ZNF595: variants seen among roughly 807,000 people sequenced by gnomAD.
The protein encoded by ZNF595 is zinc finger protein 595.
Under a neutral mutation model 19.4 loss-of-function variants are expected in ZNF595, and 9 were observed. That is an observed-to-expected ratio of 0.46 (90% CI 0.28 to 0.81). The LOEUF is 0.81. ZNF595 is among the 30% of genes least tolerant of loss of function. The pLI is 0.11. For missense variants in ZNF595, 729 were observed against 736.0 expected (o/e 0.99, Z 0.11); for synonymous variants, 255 against 255.9 (o/e 1.00, Z 0.03).
chr4:86,974 AT>A lies in ZNF595; in HGVS notation c.1471del (p.Trp491GlyfsTer5), dbSNP rs1560095930. 6.2e-7 allele frequency: 1 copy of A among 1,611,618 alleles called. No individual in the cohort carries two copies. The highest frequency in any genetic ancestry group is 8.5e-7 in the Non-Finnish European group (1 of 1,179,358). On this transcript the variant is annotated frameshift_variant, in exon 4 of 4. Coordinates refer to ENST00000610261, the MANE Select transcript of ZNF595 (RefSeq NM_182524.4). LOFTEE classifies it high-confidence loss of function. ...KCEECGKAFI[W>X]SASLNEHKNI... ...GTGAAGAATGTGGCAAAGCTTTCAT[AT>A]GGTCCGCAAGCCTGAATGAACATAA...
chr4:75,969 A>T (rs911537876), intron 3 of ZNF595, among the ~76,000 whole-genome samples: 2 of 152,212 alleles, frequency 1.3e-5, no homozygotes, highest in Admixed American at 1.3e-4. Flanking sequence ...AGCTCAGTGC[A>T]GCCTTGACCT....
At position 85,982 on chromosome 4, in the gene ZNF595, T is replaced by C; in HGVS notation, c.478T>C (p.Ser160Pro). The change falls in exon 4 of 4, where the codon TCA (serine) becomes CCA (proline). Residue 160 changes from serine (S) to proline (P), a missense_variant. By Grantham distance (74) the Ser-to-Pro change is moderately conservative. Coordinates refer to ENST00000610261, the MANE Select transcript of ZNF595 (RefSeq NM_182524.4). ...TAAAGTTTTTAGTAAATTTTCAAAT[T>C]CAAACAAACATAAGATAAGACATAC... Reference protein sequence around the residue: ...CVKVFSKFSNSNKHKIRHTGE... With the variant: ...CVKVFSKFSNPNKHKIRHTGE... 6.2e-7 allele frequency: 1 copy of C among 1,608,060 alleles called. No homozygotes were observed. The highest frequency in any genetic ancestry group is 8.5e-7 in the Non-Finnish European group (1 of 1,176,590).
At position 87,395 on chromosome 4, in the gene ZNF595, C is replaced by G; in HGVS notation, c.1891C>G (p.Arg631Gly). The change falls in exon 4 of 4, where the codon CGG becomes GGG. Residue 631 changes from arginine (R) to glycine (G), a missense_variant. Physicochemically the swap from Arg to Gly is moderately radical, Grantham distance 125 (BLOSUM62 -2). Around this residue, in one of 2 missense-constraint regions of ZNF595, gnomAD observed 729 missense variants for 675.3 expected, o/e 1.08. Transcript: ENST00000610261. ...KCEECGKAFN[R>G]PSTLTVHKRI... is the part of the protein sequence containing the mutation. ...TGAAGAATGTGGCAAAGCTTTTAAT[C>G]GGCCCTCAACCCTTACTGTACACAA... 2 of 1,612,278 alleles carry G rather than the reference C, an allele frequency of 1.2e-6. No individual in the cohort carries two copies. Among genetic ancestry groups the G allele is most frequent in the Non-Finnish European group, 1.7e-6 (2 of 1,179,052 alleles).
chr4:84,587 T>A lies in ZNF595; in HGVS notation c.227-1144T>A, dbSNP rs183232195. 3.0e-4 allele frequency among the ~76,000 whole-genome samples: 45 copies of A among 152,336 alleles called. 1 individual carries two copies. In the East Asian group the frequency reaches 6.9e-3, roughly 23 times the overall value. ...CACTGGTTATGTAAGACCACACTTA[T>A]AAATGACACATCACTTTTATCTTGC... On this transcript the variant is annotated intron_variant, in intron 3 of 3. Coordinates refer to ENST00000610261, the MANE Select transcript of ZNF595 (RefSeq NM_182524.4).
chr4:88,197 G>C lies in ZNF595; in HGVS notation c.*746G>C, dbSNP rs1714323276. On this transcript the variant is annotated 3_prime_UTR_variant, in exon 4 of 4. Coordinates refer to ENST00000610261, the MANE Select transcript of ZNF595 (RefSeq NM_182524.4). ...CTTTCCGCAAATAAATGCAGACTTT[G>C]GTTTTGATTTACATGGAGTTAAATA... The C allele has an allele frequency of 6.6e-6, 1 of 152,018 alleles. No individual in the cohort carries two copies. Among genetic ancestry groups the C allele is most frequent in the Non-Finnish European group, 1.5e-5 (1 of 68,012 alleles). 9.4% of individuals were successfully genotyped at this position (152,018 alleles called of 1,614,324 possible).
intron 3 of ZNF595, among the ~76,000 whole-genome samples, chr4:73,122 G>T (rs1043190806): frequency 6.6e-6 from 1 of 152,162 alleles, no homozygotes; most frequent in Admixed American, 6.5e-5. Flanking sequence ...TTCCAATGAG[G>T]TAAGAAGTGA....
At chr4:60,686 T>C (rs1361244399) in intron 3 of ZNF595, among the ~76,000 whole-genome samples, 677 of 142,670 alleles carry the variant, frequency 4.7e-3, no homozygotes, top group East Asian at 0.018. Context: ...CGTATACATG[T>C]GCCATGCTGG....
chr4:71,780 T>C (rs1220329636), intron 3 of ZNF595, among the ~76,000 whole-genome samples: 4 of 152,154 alleles, frequency 2.6e-5, no homozygotes, highest in African/African-American at 7.2e-5. Context: ...GGTCAGCCAA[T>C]GGAAAGCTGA....
chr4:68,632 G>A, intron 3 of ZNF595: 1 of 152,296 alleles, frequency 6.6e-6, no homozygotes, highest in Non-Finnish European at 1.5e-5. Flanking sequence ...TAATTTTTGT[G>A]AGTACGTAGT....
At chr4:72,145 T>C (rs1030587979) in intron 3 of ZNF595, among the ~76,000 whole-genome samples, 12 of 152,336 alleles carry the variant, frequency 7.9e-5, no homozygotes, top group Admixed American at 2.6e-4. Flanking sequence ...AACTGCACAA[T>C]GCATTCTATT....
At chr4:60,979 A>C (rs1712833329) in intron 3 of ZNF595, among the ~76,000 whole-genome samples, 1 of 152,082 alleles carries the variant, frequency 6.6e-6, no homozygotes, top group African/African-American at 2.4e-5. Flanking sequence ...GACACACTTA[A>C]AATTATAAAA....
chr4:82,970 C>A (rs564202804), intron 3 of ZNF595, among the ~76,000 whole-genome samples: 1 of 152,134 alleles, frequency 6.6e-6, no homozygotes, highest in South Asian at 2.1e-4. Context: ...ATTGAAATAT[C>A]CTACTATAAT....
At chr4:77,112 A>G (rs532653836) in intron 3 of ZNF595, among the ~76,000 whole-genome samples, 88 of 152,082 alleles carry the variant, frequency 5.8e-4, no homozygotes, top group African/African-American at 1.9e-3. Context: ...ATGTGGCCCA[A>G]ATGCTTTATT....
intron 3 of ZNF595, among the ~76,000 whole-genome samples, chr4:70,482 C>T (rs906694559): frequency 6.6e-6 from 1 of 151,924 alleles, no homozygotes; most frequent in Non-Finnish European, 1.5e-5. Context: ...GGACTACAGG[C>T]GTGCACCCCC....
intron 3 of ZNF595, among the ~76,000 whole-genome samples, chr4:71,976 T>C (rs1205084609): frequency 3.3e-5 from 5 of 152,028 alleles, no homozygotes; most frequent in African/African-American, 1.2e-4. Flanking sequence ...AGGGTGGTCA[T>C]TGAGTATTTC....
At chr4:83,832 TTCTG>T (rs1714025928) in intron 3 of ZNF595, among the ~76,000 whole-genome samples, 1 of 151,970 alleles carries the variant, frequency 6.6e-6, no homozygotes, top group Admixed American at 6.5e-5. Context: ...TTATTTTCTT[TTCTG>T]TCTTCCTTTT....
At chr4:66,429 T>C (rs1387949643) in intron 3 of ZNF595, among the ~76,000 whole-genome samples, 3 of 152,036 alleles carry the variant, frequency 2.0e-5, no homozygotes, top group Non-Finnish European at 4.4e-5. Flanking sequence ...ACTAAAACTT[T>C]AATGTGGAGA....
At chr4:78,436 A>T (rs533269143) in intron 3 of ZNF595, among the ~76,000 whole-genome samples, 2 of 152,372 alleles carry the variant, frequency 1.3e-5, no homozygotes, top group South Asian at 4.1e-4. Flanking sequence ...TATAAATCAG[A>T]TATTTCTATT....
At position 87,580 on chromosome 4, in the gene ZNF595, A is replaced by G; in HGVS notation, c.*129A>G. 2 of 758,646 alleles carry G rather than the reference A, an allele frequency of 2.6e-6. No individual in the cohort carries two copies. Among genetic ancestry groups the G allele is most frequent in the Non-Finnish European group, 3.9e-6 (2 of 506,800 alleles). 47.0% of individuals were successfully genotyped at this position (758,646 alleles called of 1,614,324 possible). On this transcript the variant is annotated 3_prime_UTR_variant, in exon 4 of 4. Coordinates refer to ENST00000610261, the MANE Select transcript of ZNF595 (RefSeq NM_182524.4). ...TTTAAAATTTCTGTAGGTACATAGT[A>G]TGTGTATCTATTCATGGCTTATTTG...
Sources: allele counts gnomAD v4.1 joint callset (sites outside exome capture counted in the v4.1 genomes callset), GRCh38; gene constraint gnomAD v4.1.1; regional missense constraint gnomAD v4.1.1; transcripts MANE v1.5; gene names NCBI Gene and HGNC (gene_info 2026-07-23, HGNC 2026-07-21).